The following ZNF365 variants were observed in gnomAD, a reference collection of about 807,000 sequenced individuals.
ZNF365 encodes the protein protein ZNF365.
In ZNF365, 22 loss-of-function variants were observed where a neutral mutation model predicts 35.0. The ratio of observed to expected loss-of-function variants is 0.63; its 90% CI spans 0.45 to 0.90. ZNF365 has a LOEUF of 0.90. ZNF365 is among the 40% of genes least tolerant of loss of function. The pLI is 0.00. For missense variants in ZNF365, 448 were observed against 500.3 expected (o/e 0.90, Z 1.00); for synonymous variants, 188 against 196.2 (o/e 0.96, Z 0.35).
Position 62,374,438 on chromosome 10 carries a change from GC to G in ZNF365, c.-33del, listed in dbSNP as rs1839276024. On this transcript the variant is annotated 5_prime_UTR_variant, in exon 1 of 5. Transcript: ENST00000395254. ...ATCAGCACCGGAGGCGGCGGCTGCA[GC>G]AGCAGCAGCAACAAGTCGGGTAAGA... 3.1e-5 allele frequency: 1 copy of G among 32,606 alleles called. No individual in the cohort carries two copies. The highest frequency in any genetic ancestry group is 1.1e-4 in the Non-Finnish European group (1 of 8,788). 2.0% of individuals were successfully genotyped at this position (32,606 alleles called of 1,614,324 possible). A position where few individuals can be genotyped will look rare whatever the true frequency, so the allele number is the denominator to read the frequency against.
Position 62,402,169 on chromosome 10 carries a change from A to C in ZNF365, c.*2380A>C. ...CGGTTGCTTTTTTGAAGAAATCACC[A>C]AAGTTTCTGGGAAACTATGTTCAAG... On this transcript the variant is annotated 3_prime_UTR_variant, in exon 5 of 5. Coordinates refer to ENST00000395254, the MANE Select transcript of ZNF365 (RefSeq NM_014951.3). The C allele has an allele frequency of 1.0e-6, 1 of 986,006 alleles. No homozygotes were observed. Among genetic ancestry groups the C allele is most frequent in the African/African-American group, 1.7e-5 (1 of 57,362 alleles). 61.1% of individuals were successfully genotyped at this position (986,006 alleles called of 1,614,324 possible).
chr10:62,416,704 T>C (rs1840082019), intron 3 of ZNF365, among the ~76,000 whole-genome samples: 1 of 152,086 alleles, frequency 6.6e-6, no homozygotes, highest in South Asian at 2.1e-4. Flanking sequence ...TTTTGGATTT[T>C]GGTGTTTTTT....
At chr10:62,423,473 G>T (rs1038011461) in intron 3 of ZNF365, among the ~76,000 whole-genome samples, 17 of 152,148 alleles carry the variant, frequency 1.1e-4, no homozygotes, top group Admixed American at 2.0e-4. Context: ...AACCAGGAAT[G>T]ATTTGGGTAC....
In ZNF365 at chr10:62,385,131, A is replaced by G. The variant is rs369016203; in HGVS notation, c.744-3265A>G. On this transcript the variant is annotated intron_variant, in intron 2 of 4. Coordinates refer to ENST00000395254, the MANE Select transcript of ZNF365 (RefSeq NM_014951.3). ...TCTTGTGTTTAACCTGTCTTTTAAAACAAAATCATAGGATACCATCAAGCT... is the reference window on the plus strand; with the variant it reads ...TCTTGTGTTTAACCTGTCTTTTAAAGCAAAATCATAGGATACCATCAAGCT... Among the ~76,000 whole-genome samples the G allele has an allele frequency of 5.1e-4, 77 of 152,356 alleles. No homozygotes were observed. The South Asian group carries it at 0.015, about 30-fold the overall frequency.
intron 4 of ZNF365, chr10:62,459,899 G>A: frequency 9.9e-7 from 1 of 1,013,612 alleles, no homozygotes; most frequent in Middle Eastern, 3.0e-4. Flanking sequence ...GCAGGCCATT[G>A]GTTTCTGTAT....
chr10:62,451,887 G>GGAATT (rs1840689372), intron 3 of ZNF365, among the ~76,000 whole-genome samples: 1 of 152,168 alleles, frequency 6.6e-6, no homozygotes, highest in African/African-American at 2.4e-5. Flanking sequence ...AATGTGACAA[G>GGAATT]GAATTTTTTC....
rs769462119 is a variant in ZNF365, at chr10:62,399,808, A to G, written c.*19A>G. 5 of 1,600,208 alleles carry G rather than the reference A, an allele frequency of 3.1e-6. No individual in the cohort carries two copies. Among genetic ancestry groups the G allele is most frequent in the Non-Finnish European group, 4.3e-6 (5 of 1,171,858 alleles). On this transcript the variant is annotated 3_prime_UTR_variant, in exon 5 of 5. Transcript: ENST00000395254. ...CATCTAAAAGGGTGGGTGGTGCTGG[A>G]CCAATCATCGCTGGGCTTTGGGGAA...
chr10:62,423,080 G>A (rs1840199308), intron 3 of ZNF365, among the ~76,000 whole-genome samples: 1 of 152,138 alleles, frequency 6.6e-6, no homozygotes, highest in Non-Finnish European at 1.5e-5. Flanking sequence ...ATTTATAGTG[G>A]CAACTAACTT....
chr10:62,430,582 C>T (rs1299583916), intron 3 of ZNF365, among the ~76,000 whole-genome samples: 3 of 152,152 alleles, frequency 2.0e-5, no homozygotes, highest in East Asian at 1.9e-4. Context: ...GGAATGGACC[C>T]TTGTGAGGTT....
intron 2 of ZNF365, among the ~76,000 whole-genome samples, chr10:62,378,747 A>G (rs1839378247): frequency 6.6e-6 from 1 of 152,186 alleles, no homozygotes; most frequent in Admixed American, 6.5e-5. Context: ...ATTGTGACAC[A>G]TACTGTTCTG....
In ZNF365 at chr10:62,402,114, C is replaced by A; in HGVS notation, c.*2325C>A. On this transcript the variant is annotated 3_prime_UTR_variant, in exon 5 of 5. Coordinates refer to ENST00000395254, the MANE Select transcript of ZNF365 (RefSeq NM_014951.3). ...TCTTATTTTTAAATATTTTCTTTGT[C>A]CACATGGGCCGTTGACCTTAGAGTT... 1 of 985,898 alleles carries A rather than the reference C, an allele frequency of 1.0e-6. No individual in the cohort carries two copies. Among genetic ancestry groups the A allele is most frequent in the Non-Finnish European group, 1.2e-6 (1 of 829,922 alleles). The allele number at this position is 985,898 out of a possible 1,614,324, so 61.1% of individuals were successfully genotyped here.
At chr10:62,467,414 G>A (rs142133842) in intron 4 of ZNF365, among the ~76,000 whole-genome samples, 196 of 152,296 alleles carry the variant, frequency 1.3e-3, no homozygotes, top group African/African-American at 4.5e-3. Context: ...AAAGTTGTTG[G>A]AGGTCTTTAT....
At chr10:62,388,663 C>A in intron 3 of ZNF365, 87 bp downstream of exon 3, 2 of 1,462,644 alleles carry the variant, frequency 1.4e-6, no homozygotes, top group Non-Finnish European at 1.8e-6. Context: ...AGCTGGGTGA[C>A]TTGCAGGGAC....
rs1290837865 is a variant in ZNF365 at position 62,473,598 on chromosome 10, A to G, written c.982-6278A>G. ...AATGAAGTTCTTCATCTGGGAAATG[A>G]AGAAGACAAATAGTGTCTTCTTCTT... On this transcript the variant is annotated intron_variant, in intron 4 of 4. Transcript: ENST00000395255. Among the ~76,000 whole-genome samples the G allele has an allele frequency of 3.9e-5, 6 of 152,098 alleles. No homozygotes were observed. The South Asian group carries it at 6.2e-4, about 16-fold the overall frequency.
chr10:62,407,253 A>G (rs879755483), downstream of ZNF365, among the ~76,000 whole-genome samples: 4 of 152,188 alleles, frequency 2.6e-5, no homozygotes, highest in Non-Finnish European at 5.9e-5. Context: ...CTGCTTCCCC[A>G]TAGTGGTTTG....
chr10:62,459,694 A>G (rs926248667), intron 3 of ZNF365: 5 of 1,575,640 alleles, frequency 3.2e-6, no homozygotes, highest in Non-Finnish European at 4.3e-6. Flanking sequence ...TATTCAGTCT[A>G]CACACTAGCT....
intron 3 of ZNF365, among the ~76,000 whole-genome samples, chr10:62,396,503 A>G (rs761763166): frequency 3.3e-5 from 5 of 152,172 alleles, no homozygotes; most frequent in Non-Finnish European, 5.9e-5. Context: ...CTAGACATGC[A>G]CAATTTATAG....
chr10:62,455,186 G>T (rs934729279), intron 3 of ZNF365, among the ~76,000 whole-genome samples: 1 of 152,150 alleles, frequency 6.6e-6, no homozygotes, highest in African/African-American at 2.4e-5. Flanking sequence ...GCTGTGGAAG[G>T]ATCACTCTGG....
chr10:62,381,226 G>C (rs1218705743), intron 2 of ZNF365, among the ~76,000 whole-genome samples: 2 of 152,196 alleles, frequency 1.3e-5, no homozygotes, highest in East Asian at 3.9e-4. Context: ...TGACCTTGAA[G>C]GGGCGGCAGG....
Sources: gnomAD v4.1 joint callset for allele counts (sites outside exome capture counted in the v4.1 genomes callset) on GRCh38, gnomAD v4.1.1 for gene constraint, MANE v1.5 for transcripts, NCBI Gene and HGNC (gene_info 2026-07-23, HGNC 2026-07-21) for gene names.